The following GRXCR2 variants were observed in gnomAD, a reference collection of about 807,000 sequenced individuals.
GRXCR2 encodes the protein glutaredoxin and cysteine rich domain containing 2, also known as glutaredoxin domain-containing cysteine-rich protein 2.
A neutral mutation model predicts 24.8 loss-of-function variants in GRXCR2; 23 were observed. That is an observed-to-expected ratio of 0.93 (90% confidence interval 0.67 to 1.32). GRXCR2 has a LOEUF of 1.32. Ranked by LOEUF, GRXCR2 falls within the 40% of genes most tolerant of loss-of-function variation. The pLI, the probability that GRXCR2 is intolerant of heterozygous loss-of-function variation, is 0.00. For synonymous variants in GRXCR2, 130 were observed against 116.1 expected, an observed-to-expected ratio of 1.12 and a Z score of -0.77; for missense variants, 315 against 303.4, an observed-to-expected ratio of 1.04 and a Z score of -0.28.
chr5:145,886,231 A>G (rs1413430144), intron 2 of GRXCR2, among the ~76,000 whole-genome samples: 2 of 152,212 alleles, frequency 1.3e-5, no homozygotes, highest in Non-Finnish European at 2.9e-5. Flanking sequence ...GGGATATCCC[A>G]TAGTTTGCTT....
upstream of GRXCR2, among the ~76,000 whole-genome samples, chr5:145,875,589 AT>A (rs551227235): frequency 3.3e-3 from 504 of 150,916 alleles, 3 homozygotes; most frequent in African/African-American, 0.011. Context: ...GGATCAGAAG[AT>A]TTTTTTTTTA....
intron 2 of GRXCR2, among the ~76,000 whole-genome samples, chr5:145,861,097 T>C (rs1756329515): frequency 6.6e-6 from 1 of 151,910 alleles, no homozygotes; most frequent in Non-Finnish European, 1.5e-5. Context: ...TTTCAGCTTC[T>C]GAAAATCTCA....
At chr5:145,928,712 T>C (rs754842150) in intron 2 of GRXCR2, among the ~76,000 whole-genome samples, 28 of 122,814 alleles carry the variant, frequency 2.3e-4, no homozygotes, top group Non-Finnish European at 4.1e-4. Context: ...TGAGAACACA[T>C]GGACACAGGA....
At chr5:145,884,668 G>T (rs1453331897) in intron 2 of GRXCR2, among the ~76,000 whole-genome samples, 3 of 151,814 alleles carry the variant, frequency 2.0e-5, no homozygotes, top group African/African-American at 7.3e-5. Flanking sequence ...CTGCTTATTT[G>T]ACTATTCCTC....
At chr5:145,890,717 A>G (rs1016239578) in intron 2 of GRXCR2, among the ~76,000 whole-genome samples, 2 of 152,146 alleles carry the variant, frequency 1.3e-5, no homozygotes, top group Non-Finnish European at 2.9e-5. Context: ...ACACCATAGA[A>G]ATACAAAGCA....
At position 145,929,811 on chromosome 5, in the gene GRXCR2, G is replaced by T. The variant is rs77023964; in HGVS notation, c.-70+5890C>A. 2.6e-3 allele frequency among the ~76,000 whole-genome samples: 400 copies of T among 152,206 alleles called. 2 individuals carry two copies. Among genetic ancestry groups the T allele is most frequent in the African/African-American group, 9.4e-3 (392 of 41,540 alleles). Reference sequence around the variant, plus strand: ...AATCAAGAGGAAGAAATGCACTTAAGAATCTCTCACCAGATGTAGAGTGGG... The same window carrying T: ...AATCAAGAGGAAGAAATGCACTTAATAATCTCTCACCAGATGTAGAGTGGG... On this transcript the variant is annotated intron_variant, in intron 2 of 3. Coordinates refer to the GRXCR2 transcript ENST00000639411.
At chr5:145,905,477 T>C (rs1757079488) in intron 2 of GRXCR2, among the ~76,000 whole-genome samples, 1 of 152,216 alleles carries the variant, frequency 6.6e-6, no homozygotes, top group Non-Finnish European at 1.5e-5. Flanking sequence ...ATGTACACAA[T>C]ATATTTTAAC....
chr5:145,913,244 C>T (rs1415096608), intron 2 of GRXCR2, among the ~76,000 whole-genome samples: 1 of 152,014 alleles, frequency 6.6e-6, no homozygotes, highest in African/African-American at 2.4e-5. Context: ...TTTTTGGTTC[C>T]AGGATCCAAC....
rs17489120 is a variant in GRXCR2 at position 145,863,108 on chromosome 5, A to G, written c.565-3193T>C. Among the ~76,000 whole-genome samples, 1,153 of 152,268 alleles carry G rather than the reference A, an allele frequency of 7.6e-3. 45 individuals carry two copies. Among genetic ancestry groups the G allele is most frequent in the Admixed American group, 0.062 (948 of 15,296 alleles). Reference sequence around the variant, plus strand: ...GCTGTGGCTCGATTCAATTATTCCTATCCACTTCTTTGATAGTTAATACAG... The same window carrying G: ...GCTGTGGCTCGATTCAATTATTCCTGTCCACTTCTTTGATAGTTAATACAG... On this transcript the variant is annotated intron_variant, in intron 2 of 2. Transcript: ENST00000377976.
intron 2 of GRXCR2, among the ~76,000 whole-genome samples, chr5:145,892,481 C>A (rs561742977): frequency 6.6e-6 from 1 of 152,030 alleles, no homozygotes; most frequent in Non-Finnish European, 1.5e-5. Context: ...AACTACATGA[C>A]GAATGCACAA....
At chr5:145,889,244 G>GA (rs1756828339) in intron 2 of GRXCR2, among the ~76,000 whole-genome samples, 1 of 147,460 alleles carries the variant, frequency 6.8e-6, no homozygotes, top group African/African-American at 2.5e-5. Context: ...AAGAAAGAAA[G>GA]AATTATGCAA....
intron 2 of GRXCR2, among the ~76,000 whole-genome samples, chr5:145,889,767 G>A (rs1343574568): frequency 1.3e-5 from 2 of 152,142 alleles, no homozygotes; most frequent in Non-Finnish European, 2.9e-5. Context: ...TCAAAGCATG[G>A]ATTGCAAGAA....
intron 2 of GRXCR2, among the ~76,000 whole-genome samples, chr5:145,918,444 T>C (rs889068455): frequency 6.6e-6 from 1 of 152,218 alleles, no homozygotes; most frequent in African/African-American, 2.4e-5. Flanking sequence ...TAAGTTACTC[T>C]TTCCTCTTAA....
chr5:145,907,718 T>C (rs1757111799), intron 2 of GRXCR2, among the ~76,000 whole-genome samples: 1 of 152,012 alleles, frequency 6.6e-6, no homozygotes, highest in African/African-American at 2.4e-5. Flanking sequence ...CACGGGGTCC[T>C]GGAAGAAAGA....
chr5:145,878,235 T>C (rs140344653), intron 2 of GRXCR2, among the ~76,000 whole-genome samples: 4,095 of 152,156 alleles, frequency 0.027, 65 homozygotes, highest in Middle Eastern at 0.054. Context: ...AGGCTGGTAA[T>C]AACAAACTTC....
chr5:145,900,797 C>T (rs1238077997), intron 2 of GRXCR2, among the ~76,000 whole-genome samples: 5 of 152,146 alleles, frequency 3.3e-5, no homozygotes, highest in Non-Finnish European at 7.4e-5. Flanking sequence ...GGGTATATAT[C>T]TAAAAGAAAA....
intron 1 of GRXCR2, among the ~76,000 whole-genome samples, chr5:145,871,890 A>G (rs1756536589): frequency 6.6e-6 from 1 of 152,252 alleles, no homozygotes; most frequent in South Asian, 2.1e-4. Context: ...TCCCACTGAC[A>G]GCATATATAC....
At chr5:145,903,723 C>G (rs920013135) in intron 2 of GRXCR2, among the ~76,000 whole-genome samples, 1 of 152,046 alleles carries the variant, frequency 6.6e-6, no homozygotes, top group Non-Finnish European at 1.5e-5. Context: ...AGGAAGAGAA[C>G]GATGGATACA....
At chr5:145,931,623 T>C (rs984696286) in intron 2 of GRXCR2, among the ~76,000 whole-genome samples, 4 of 152,270 alleles carry the variant, frequency 2.6e-5, no homozygotes, top group Admixed American at 6.5e-5. Flanking sequence ...ACATTTCTGC[T>C]GTTGTCCTCC....
Sources: allele counts gnomAD v4.1 joint callset (sites outside exome capture counted in the v4.1 genomes callset), GRCh38; gene constraint gnomAD v4.1.1; transcripts MANE v1.5; gene names NCBI Gene and HGNC (gene_info 2026-07-23, HGNC 2026-07-21).